The following CNTN5 variants were observed in gnomAD, a reference collection of about 807,000 sequenced individuals.
CNTN5 encodes contactin 5, also known as contactin-5.
Under a neutral mutation model 129.1 loss-of-function variants are expected in CNTN5, and 77 were observed. The ratio of observed to expected loss-of-function variants is 0.60; its 90% confidence interval spans 0.50 to 0.72. CNTN5 has a LOEUF of 0.72. CNTN5 is among the 30% of genes least tolerant of loss of function. The probability of loss-of-function intolerance (pLI) is 0.00; values close to 1 mark genes in which losing one functional copy is unlikely to be tolerated. For missense variants in CNTN5, 1,478 were observed against 1,328.8 expected (o/e 1.11, Z -1.75); for synonymous variants, 509 against 465.6 (o/e 1.09, Z -1.20).
chr11:99,892,039 G>A (rs1201829784), intron 6 of CNTN5, among the ~76,000 whole-genome samples: 2 of 152,076 alleles, frequency 1.3e-5, no homozygotes, highest in African/African-American at 4.8e-5. Flanking sequence ...GGCCTGAGAT[G>A]GTATCTAATA....
At chr11:99,445,977 G>A (rs1245788481) in intron 2 of CNTN5, among the ~76,000 whole-genome samples, 4 of 151,568 alleles carry the variant, frequency 2.6e-5, no homozygotes, top group African/African-American at 7.3e-5. Flanking sequence ...CCAGCTATTC[G>A]GGAGGCTGAG....
chr11:99,128,954 A>ATGG (rs1476469611), intron 1 of CNTN5, among the ~76,000 whole-genome samples: 5 of 152,180 alleles, frequency 3.3e-5, no homozygotes, highest in African/African-American at 1.2e-4. Context: ...CCCTATCCGA[A>ATGG]GATTGACAGC....
intron 2 of CNTN5, among the ~76,000 whole-genome samples, chr11:99,454,889 A>T (rs566322811): frequency 6.6e-6 from 1 of 152,282 alleles, no homozygotes; most frequent in East Asian, 1.9e-4. Flanking sequence ...GAAATCTAGT[A>T]GCCTCCCAGC....
Position 99,903,422 on chromosome 11 carries a change from GA to G in CNTN5, c.578-12623del, listed in dbSNP as rs201587484. Among the ~76,000 whole-genome samples, 1,408 of 150,318 alleles carry G rather than the reference GA, an allele frequency of 9.4e-3. 30 individuals carry two copies. The highest frequency in any genetic ancestry group is 0.032 in the African/African-American group (1,316 of 41,082). The stretch of plus-strand genomic sequence containing the variant: ...TGGGACTGGATTGGATTTGCAAAGG[GA>G]AAAAAAAACTATTTCTTTATGAAAA... On this transcript the variant is annotated intron_variant, in intron 6 of 24. Coordinates refer to ENST00000524871, the MANE Select transcript of CNTN5 (RefSeq NM_014361.4).
intron 3 of CNTN5, among the ~76,000 whole-genome samples, chr11:99,775,827 C>T (rs981000598): frequency 7.9e-5 from 12 of 151,574 alleles, no homozygotes; most frequent in African/African-American, 1.7e-4. Flanking sequence ...TTTACGTTAG[C>T]GTTCCCATTT....
chr11:99,643,516 G>A (rs1229586400), intron 3 of CNTN5, among the ~76,000 whole-genome samples: 2 of 152,012 alleles, frequency 1.3e-5, no homozygotes, highest in Non-Finnish European at 2.9e-5. Context: ...TATCTCATAG[G>A]TTTGTTGAGT....
At chr11:99,709,924 G>C (rs1954616759) in intron 3 of CNTN5, among the ~76,000 whole-genome samples, 1 of 151,748 alleles carries the variant, frequency 6.6e-6, no homozygotes, top group African/African-American at 2.4e-5. Flanking sequence ...TTTTTATTTG[G>C]TGTTTGAGTT....
chr11:99,668,821 C>G (rs950220467), intron 3 of CNTN5, among the ~76,000 whole-genome samples: 4 of 152,076 alleles, frequency 2.6e-5, no homozygotes, highest in Non-Finnish European at 5.9e-5. Context: ...GTGGTCCTAG[C>G]TACTCGGGAA....
intron 20 of CNTN5, among the ~76,000 whole-genome samples, chr11:100,307,853 C>T (rs897684245): frequency 1.3e-5 from 2 of 151,604 alleles, no homozygotes; most frequent in African/African-American, 4.8e-5. Context: ...TTTATATATA[C>T]ATTCTAATTA....
intron 9 of CNTN5, among the ~76,000 whole-genome samples, chr11:100,004,458 C>G (rs1387606530): frequency 6.6e-6 from 1 of 152,108 alleles, no homozygotes; most frequent in African/African-American, 2.4e-5. Flanking sequence ...TAACTCACAC[C>G]CATTATTCTC....
intron 3 of CNTN5, among the ~76,000 whole-genome samples, chr11:99,775,010 T>G (rs1289602958): frequency 1.3e-5 from 2 of 152,102 alleles, no homozygotes; most frequent in Non-Finnish European, 1.5e-5. Context: ...TGGACCTGAA[T>G]AAATTGACCA....
At chr11:100,105,581 G>A (rs188505594) in intron 13 of CNTN5, among the ~76,000 whole-genome samples, 45 of 152,208 alleles carry the variant, frequency 3.0e-4, no homozygotes, top group South Asian at 1.2e-3. Flanking sequence ...GGACCCATAC[G>A]GTAAGATGAC....
chr11:99,734,413 T>A (rs572334354), intron 3 of CNTN5, among the ~76,000 whole-genome samples: 5 of 152,280 alleles, frequency 3.3e-5, no homozygotes, highest in African/African-American at 1.2e-4. Flanking sequence ...CCTGGCCATG[T>A]TAGGTGTCAT....
chr11:99,583,649 G>T (rs2851601), intron 3 of CNTN5, among the ~76,000 whole-genome samples: 138,473 of 152,272 alleles, frequency 0.91, 63,124 homozygotes, highest in East Asian at 1. Context: ...ATCTCCTGGT[G>T]TGCCGTTTGT....
intron 13 of CNTN5, among the ~76,000 whole-genome samples, chr11:100,128,314 C>A (rs1245150898): frequency 6.6e-6 from 1 of 152,092 alleles, no homozygotes; most frequent in African/African-American, 2.4e-5. Flanking sequence ...ATCTTTGATA[C>A]TTTCCTCTTT....
At chr11:100,322,510 C>CT (rs1276961424) in intron 21 of CNTN5, among the ~76,000 whole-genome samples, 1 of 152,226 alleles carries the variant, frequency 6.6e-6, no homozygotes, top group African/African-American at 2.4e-5. Flanking sequence ...GCATGAGCCA[C>CT]TGCGCCCGGC....
intron 1 of CNTN5, among the ~76,000 whole-genome samples, chr11:99,269,138 G>A (rs1398025902): frequency 6.6e-6 from 1 of 151,858 alleles, no homozygotes; most frequent in Admixed American, 6.6e-5. Flanking sequence ...GATGTTGGGT[G>A]TGGTAGAGCT....
Position 99,437,748 on chromosome 11 carries a change from G to A in CNTN5, c.-71+112264G>A, listed in dbSNP as rs2135133070. 1.3e-5 allele frequency among the ~76,000 whole-genome samples: 2 copies of A among 152,266 alleles called. 1 individual carries two copies. Among genetic ancestry groups the A allele is most frequent in the East Asian group, 3.9e-4 (2 of 5,170 alleles). On this transcript the variant is annotated intron_variant, in intron 2 of 24. Transcript: ENST00000524871. Reference sequence around the variant, plus strand: ...TGAGACAGGAGAATCGCCTGAACCTGAGAGGCAGAGGTTGCAGTGAGCTGA... The same window carrying A: ...TGAGACAGGAGAATCGCCTGAACCTAAGAGGCAGAGGTTGCAGTGAGCTGA...
intron 3 of CNTN5, among the ~76,000 whole-genome samples, chr11:99,719,713 C>T (rs549815098): frequency 1.9e-3 from 294 of 151,722 alleles, no homozygotes; most frequent in African/African-American, 6.5e-3. Context: ...TGAAGGAAAT[C>T]GAGACACAAA....
Sources: allele counts gnomAD v4.1 joint callset (sites outside exome capture counted in the v4.1 genomes callset), GRCh38; gene constraint gnomAD v4.1.1; transcripts MANE v1.5; gene names NCBI Gene and HGNC (gene_info 2026-07-23, HGNC 2026-07-21).